ADGRV1: variants seen among roughly 807,000 people sequenced by gnomAD.
ADGRV1 encodes adhesion G protein-coupled receptor V1.
In ADGRV1, 359 loss-of-function variants were observed where a neutral mutation model predicts 596.2. That is an observed-to-expected ratio of 0.60 (90% CI 0.55 to 0.66). The LOEUF (loss-of-function observed/expected upper bound fraction) is 0.66, where lower values mean the gene tolerates loss of function less well. Ranked by LOEUF, ADGRV1 falls within the 30% of genes least tolerant of loss-of-function variation. The pLI is 0.00. For synonymous variants in ADGRV1, 2,681 were observed against 2,679.2 expected, an observed-to-expected ratio of 1.00 and a Z score of -0.02; for missense variants, 7,274 against 7,575.6, an observed-to-expected ratio of 0.96 and a Z score of 1.48.
At chr5:90,760,907 A>C (rs1303264277) in intron 58 of ADGRV1, among the ~76,000 whole-genome samples, 1 of 152,250 alleles carries the variant, frequency 6.6e-6, no homozygotes, top group African/African-American at 2.4e-5. Flanking sequence ...TTGTTATTAC[A>C]TGATAACTAT....
At chr5:90,559,745 T>C (rs895784101) in intron 1 of ADGRV1, among the ~76,000 whole-genome samples, 1 of 152,130 alleles carries the variant, frequency 6.6e-6, no homozygotes, top group African/African-American at 2.4e-5. Context: ...AGAATTAGGA[T>C]GAAAGTCAAA....
At chr5:91,000,528 C>A (rs549186719) in intron 85 of ADGRV1, among the ~76,000 whole-genome samples, 3 of 152,156 alleles carry the variant, frequency 2.0e-5, no homozygotes, top group Non-Finnish European at 4.4e-5. Context: ...AGTCTCCCAA[C>A]GCAAGAGCTA....
intron 11 of ADGRV1, among the ~76,000 whole-genome samples, chr5:90,639,175 TA>T (rs1330675522): frequency 1.3e-5 from 2 of 152,040 alleles, no homozygotes; most frequent in Non-Finnish European, 2.9e-5. Flanking sequence ...TAAGAAAAGG[TA>T]TTTCATACGA....
chr5:91,058,109 A>T (rs767481855), intron 85 of ADGRV1, among the ~76,000 whole-genome samples: 3 of 152,176 alleles, frequency 2.0e-5, no homozygotes, highest in Non-Finnish European at 4.4e-5. Flanking sequence ...TTTTCCATGG[A>T]GTCTGACTTA....
At chr5:91,092,925 C>T (rs555320455) in intron 86 of ADGRV1, among the ~76,000 whole-genome samples, 24 of 152,220 alleles carry the variant, frequency 1.6e-4, no homozygotes, top group African/African-American at 5.3e-4. Flanking sequence ...GCCTGATGCC[C>T]GGCCTTGTGC....
chr5:90,628,047 TA>T (rs1056880258), intron 7 of ADGRV1: 2 of 244,070 alleles, frequency 8.2e-6, no homozygotes, highest in Non-Finnish European at 1.6e-5. Context: ...ATTCATAGTA[TA>T]GTAGTTCCCT....
intron 89 of ADGRV1, among the ~76,000 whole-genome samples, chr5:91,157,286 A>G (rs1222124238): frequency 6.6e-6 from 1 of 152,258 alleles, no homozygotes; most frequent in Admixed American, 6.5e-5. Context: ...AAAGTTTTTC[A>G]TAATCAGTTT....
intron 87 of ADGRV1, among the ~76,000 whole-genome samples, chr5:91,144,858 T>A (rs1795400230): frequency 1.3e-5 from 2 of 152,238 alleles, no homozygotes; most frequent in Admixed American, 1.3e-4. Context: ...TGCTTGCCAA[T>A]GCACGTAGTG....
In ADGRV1 at chr5:90,965,402, C is replaced by G. The variant is rs368139620; in HGVS notation, c.17857-13C>G. The G allele has an allele frequency of 2.0e-6, 3 of 1,507,564 alleles. No homozygotes were observed. Among genetic ancestry groups the G allele is most frequent in the Non-Finnish European group, 2.8e-6 (3 of 1,083,060 alleles). The allele number at this position is 1,507,564 out of a possible 1,614,324, so 93.4% of individuals were successfully genotyped here. On this transcript the variant is annotated splice_polypyrimidine_tract_variant and intron_variant, in intron 83 of 89. Transcript: ENST00000405460. Reference sequence around the variant, plus strand: ...TAGCATATTTTAAAAATAGAAGTATCTGTTTCTTACAGATTCTGTTTCTGG... The same window carrying G: ...TAGCATATTTTAAAAATAGAAGTATGTGTTTCTTACAGATTCTGTTTCTGG...
At chr5:90,647,801 C>T in intron 17 of ADGRV1, 37 bp downstream of exon 17, 2 of 1,574,312 alleles carry the variant, frequency 1.3e-6, no homozygotes, top group Non-Finnish European at 1.7e-6. Context: ...AGATCTGCCT[C>T]AGTGCTTTAA....
intron 85 of ADGRV1, among the ~76,000 whole-genome samples, chr5:91,062,959 T>A (rs1787573770): frequency 6.9e-6 from 1 of 145,900 alleles, no homozygotes; most frequent in Non-Finnish European, 1.5e-5. Context: ...CAAACTTTTT[T>A]TTTTTTTTTT....
chr5:91,150,279 C>G, intron 88 of ADGRV1, 58 bp downstream of exon 88: 7 of 1,201,632 alleles, frequency 5.8e-6, no homozygotes, highest in East Asian at 2.6e-5. Context: ...CTCTCTCTCT[C>G]TGTCTGTCTC....
At chr5:90,862,416 A>G (rs1429023038) in intron 82 of ADGRV1, among the ~76,000 whole-genome samples, 2 of 152,130 alleles carry the variant, frequency 1.3e-5, no homozygotes, top group African/African-American at 4.8e-5. Context: ...AGGCATGCAC[A>G]TTCACACACT....
intron 85 of ADGRV1, among the ~76,000 whole-genome samples, chr5:91,070,927 G>A (rs1313063026): frequency 2.0e-5 from 3 of 152,256 alleles, no homozygotes; most frequent in African/African-American, 2.4e-5. Context: ...CAAGAGTGGA[G>A]CCCTGGGAAT....
Position 90,963,858 on chromosome 5 carries a change from G to A in ADGRV1, c.17857-1557G>A, listed in dbSNP as rs182036838. Among the ~76,000 whole-genome samples the A allele has an allele frequency of 2.7e-5, 4 of 150,698 alleles. No homozygotes were observed. In the East Asian group the frequency reaches 7.7e-4, roughly 29 times the overall value. On this transcript the variant is annotated intron_variant, in intron 83 of 89. Coordinates refer to ENST00000405460, the MANE Select transcript of ADGRV1 (RefSeq NM_032119.4). ...TCCAAGAAGAGTCACTTCGGCATAAGAGATACATATTGTAGATTAATTTAC... is the reference window on the plus strand; with the variant it reads ...TCCAAGAAGAGTCACTTCGGCATAAAAGATACATATTGTAGATTAATTTAC...
chr5:90,746,812 C>T (rs1287566874), intron 52 of ADGRV1, among the ~76,000 whole-genome samples: 1 of 152,222 alleles, frequency 6.6e-6, no homozygotes, highest in African/African-American at 2.4e-5. Context: ...CCCACTCACT[C>T]ATTCATTCAT....
chr5:90,725,883 T>A (rs1751707611), intron 48 of ADGRV1, among the ~76,000 whole-genome samples: 1 of 152,172 alleles, frequency 6.6e-6, no homozygotes. Flanking sequence ...ACAATAAAAA[T>A]GAACATTTAA....
At chr5:90,581,428 A>T (rs1020738768) in intron 1 of ADGRV1, among the ~76,000 whole-genome samples, 5 of 152,182 alleles carry the variant, frequency 3.3e-5, no homozygotes, top group African/African-American at 1.2e-4. Context: ...GGTGACCTAC[A>T]GATGGGGTTT....
At chr5:90,594,918 C>CA (rs1229895662) in intron 1 of ADGRV1, among the ~76,000 whole-genome samples, 20 of 149,930 alleles carry the variant, frequency 1.3e-4, no homozygotes, top group Non-Finnish European at 2.8e-4. Context: ...TCCGATTTCT[C>CA]AATCTTTTCC....
Sources: gnomAD v4.1 joint callset for allele counts (sites outside exome capture counted in the v4.1 genomes callset) on GRCh38, gnomAD v4.1.1 for gene constraint, MANE v1.5 for transcripts, NCBI Gene and HGNC (gene_info 2026-07-23, HGNC 2026-07-21) for gene names.